Variants in ZNF480 observed in about 807,000 individuals in gnomAD.
ZNF480 encodes zinc finger protein 480.
A neutral mutation model predicts 14.4 loss-of-function variants in ZNF480; 15 were observed. The ratio of observed to expected loss-of-function variants is 1.04; its 90% CI spans 0.70 to 1.60. The LOEUF (loss-of-function observed/expected upper bound fraction) is 1.60. ZNF480 is among the 40% of genes most tolerant of loss of function. The pLI, the probability that ZNF480 is intolerant of heterozygous loss-of-function variation, is 0.00. For synonymous variants in ZNF480, 218 were observed against 215.5 expected (o/e 1.01, Z -0.10); for missense variants, 593 against 629.7 (o/e 0.94, Z 0.62).
At chr19:52,310,246 G>A (rs1032300848) in intron 2 of ZNF480, among the ~76,000 whole-genome samples, 1 of 151,728 alleles carries the variant, frequency 6.6e-6, no homozygotes, top group Non-Finnish European at 1.5e-5. Flanking sequence ...TAGTAGAGAT[G>A]GGGTTTCACC....
chr19:52,298,214 C>T (rs574100722), intron 1 of ZNF480, among the ~76,000 whole-genome samples: 2 of 151,216 alleles, frequency 1.3e-5, no homozygotes, highest in African/African-American at 4.9e-5. Flanking sequence ...CTGGTGACAA[C>T]GAGAGCAGAG....
chr19:52,323,013 A>G lies in ZNF480; in HGVS notation c.*155A>G. 1.8e-6 allele frequency: 1 copy of G among 570,416 alleles called. No homozygotes were observed. Among genetic ancestry groups the G allele is most frequent in the South Asian group, 4.3e-5 (1 of 23,392 alleles). 35.3% of individuals were successfully genotyped at this position (570,416 alleles called of 1,614,324 possible). A position where few individuals can be genotyped will look rare whatever the true frequency, so the allele number is the denominator to read the frequency against. On this transcript the variant is annotated 3_prime_UTR_variant, in exon 5 of 5. Transcript: ENST00000595962. ...TTTCTAATAACTCATTAGAGAATTT[A>G]TACTGGAGAGACTTCACAATTATAA...
chr19:52,314,129 G>A (rs774601126), intron 2 of ZNF480, 24 bp from the exon 3 acceptor site: 1 of 1,545,022 alleles, frequency 6.5e-7, no homozygotes, highest in East Asian at 2.5e-5. Context: ...ATATCCTGTT[G>A]GTGAAATGTG....
Position 52,300,659 on chromosome 19 carries a change from G to T in ZNF480, c.72+175G>T. 6.6e-6 allele frequency: 7 copies of T among 1,068,486 alleles called. No homozygotes were observed. In the South Asian group the frequency reaches 1.1e-4, roughly 16 times the overall value. 66.2% of individuals were successfully genotyped at this position (1,068,486 alleles called of 1,614,324 possible). On this transcript the variant is annotated intron_variant, in intron 2 of 4. Coordinates refer to ENST00000595962, the MANE Select transcript of ZNF480 (RefSeq NM_144684.4). Reference sequence around the variant, plus strand: ...TGGTCGTGGGGACCCTAACCTAGTGGCACTAGAGGAATTAAAGACACAGAC... The same window carrying T: ...TGGTCGTGGGGACCCTAACCTAGTGTCACTAGAGGAATTAAAGACACAGAC...
At position 52,314,270 on chromosome 19, in the gene ZNF480, G is replaced by C. The variant is rs1344471092; in HGVS notation, c.190G>C (p.Val64Leu). ...GATGTTGGAGAACTACAGGAACCTG[G>C]TCTCCCTGGGTGAGGATCATGCCCC... is the stretch of plus-strand genomic sequence containing the variant. Reference protein sequence around the residue: ...DVMLENYRNLVSLGISLPDLN... With the variant: ...DVMLENYRNLLSLGISLPDLN... Residue 64 changes from valine (V) to leucine (L), a missense_variant, in exon 3 of 5, where the codon GTC becomes CTC. Physicochemically the swap from Val to Leu is conservative, Grantham distance 32. Coordinates refer to ENST00000595962, the MANE Select transcript of ZNF480 (RefSeq NM_144684.4). 1 of 1,557,814 alleles carries C rather than the reference G, an allele frequency of 6.4e-7. No homozygotes were observed. Among genetic ancestry groups the C allele is most frequent in the Admixed American group, 1.7e-5 (1 of 57,322 alleles).
intron 4 of ZNF480, among the ~76,000 whole-genome samples, chr19:52,319,625 A>G (rs1037400727): frequency 6.6e-6 from 1 of 152,096 alleles, no homozygotes; most frequent in Admixed American, 6.6e-5. Context: ...GTCTTTCTTC[A>G]GAATTGGGAT....
intron 4 of ZNF480, chr19:52,317,533 G>C (rs906686997): frequency 4.6e-5 from 7 of 152,110 alleles, no homozygotes; most frequent in African/African-American, 1.5e-4. Context: ...ACCACGCCCA[G>C]CTAATTTTTG....
chr19:52,300,332 T>G, intron 1 of ZNF480, 62 bp from the exon 2 acceptor site: 1 of 1,555,306 alleles, frequency 6.4e-7, no homozygotes, highest in Non-Finnish European at 8.8e-7. Context: ...GTGTGTGTGA[T>G]TGTGGCACAG....
At position 52,323,213 on chromosome 19, in the gene ZNF480, A is replaced by G. The variant is rs578000667; in HGVS notation, c.*355A>G. 4.4e-5 allele frequency: 8 copies of G among 182,688 alleles called. 1 individual carries two copies. In the South Asian group the frequency reaches 1.3e-3, roughly 29 times the overall value. 11.3% of individuals were successfully genotyped at this position (182,688 alleles called of 1,614,324 possible). A position where few individuals can be genotyped will look rare whatever the true frequency, so the allele number is the denominator to read the frequency against. On this transcript the variant is annotated 3_prime_UTR_variant, in exon 5 of 5. Coordinates refer to ENST00000595962, the MANE Select transcript of ZNF480 (RefSeq NM_144684.4). ...CAAACTAGAAAACCTAGAAAAAATTAATAAATTCCTTGAAAGATATAACCC... is the reference window on the plus strand; with the variant it reads ...CAAACTAGAAAACCTAGAAAAAATTGATAAATTCCTTGAAAGATATAACCC...
intron 2 of ZNF480, among the ~76,000 whole-genome samples, chr19:52,312,009 A>G (rs998193006): frequency 6.6e-6 from 1 of 152,176 alleles, no homozygotes. Context: ...AAGACATGTC[A>G]TCATTTTTAT....
chr19:52,319,778 T>C (rs1319951943), intron 4 of ZNF480, among the ~76,000 whole-genome samples: 1 of 151,880 alleles, frequency 6.6e-6, no homozygotes, highest in African/African-American at 2.4e-5. Context: ...TTCTTCTCTG[T>C]TTTTTGTTTT....
intron 2 of ZNF480, among the ~76,000 whole-genome samples, chr19:52,308,993 C>T (rs530036334): frequency 7.2e-5 from 11 of 152,272 alleles, no homozygotes; most frequent in African/African-American, 2.6e-4. Flanking sequence ...TGGGAGGGAG[C>T]CTTCCACCCT....
chr19:52,303,321 T>G (rs1395979932), intron 2 of ZNF480, among the ~76,000 whole-genome samples: 1 of 152,198 alleles, frequency 6.6e-6, no homozygotes, highest in Admixed American at 6.5e-5. Context: ...AATAATTTTG[T>G]TTTTGGAAAG....
intron 4 of ZNF480, 32 bp from the exon 5 acceptor site, chr19:52,321,547 G>T: frequency 6.5e-7 from 1 of 1,527,428 alleles, no homozygotes; most frequent in Non-Finnish European, 8.8e-7. Flanking sequence ...GAATTATGGG[G>T]TCTGAATTTT....
chr19:52,299,916 T>C (rs1300472786), intron 1 of ZNF480, among the ~76,000 whole-genome samples: 1 of 152,210 alleles, frequency 6.6e-6, no homozygotes, highest in Non-Finnish European at 1.5e-5. Context: ...GTGGAATAAA[T>C]GGAGTTCAGT....
chr19:52,306,427 C>T (rs8109646), intron 2 of ZNF480, among the ~76,000 whole-genome samples: 10 of 151,968 alleles, frequency 6.6e-5, no homozygotes, highest in African/African-American at 2.2e-4. Flanking sequence ...TCTAAACCAC[C>T]CCAGCCACCG....
In ZNF480 at chr19:52,300,636, G is replaced by C. The variant is rs140358124; in HGVS notation, c.72+152G>C. On this transcript the variant is annotated intron_variant, in intron 2 of 4. Transcript: ENST00000595962. ...TTCCCTCAGTGCCGAGACCAGCTTG[G>C]TCGTGGGGACCCTAACCTAGTGGCA... is the stretch of plus-strand genomic sequence containing the variant. 1,171 of 1,363,122 alleles carry C rather than the reference G, an allele frequency of 8.6e-4. 21 individuals carry two copies. The East Asian group carries it at 0.017, about 20-fold the overall frequency. The allele number at this position is 1,363,122 out of a possible 1,614,324, so 84.4% of individuals were successfully genotyped here.
chr19:52,298,336 C>G (rs937418929), intron 1 of ZNF480, among the ~76,000 whole-genome samples: 3 of 151,972 alleles, frequency 2.0e-5, no homozygotes, highest in Non-Finnish European at 4.4e-5. Context: ...GGAGTAGAGT[C>G]AGGGGAAGAG....
intron 4 of ZNF480, among the ~76,000 whole-genome samples, chr19:52,320,793 AAAAC>A (rs1983773660): frequency 6.6e-6 from 1 of 152,066 alleles, no homozygotes; most frequent in African/African-American, 2.4e-5. Context: ...CTCCATCTTA[AAAAC>A]AAACAAAAGA....
Sources: gnomAD v4.1 joint callset for allele counts (sites outside exome capture counted in the v4.1 genomes callset) on GRCh38, gnomAD v4.1.1 for gene constraint, MANE v1.5 for transcripts, NCBI Gene and HGNC (gene_info 2026-07-23, HGNC 2026-07-21) for gene names.